Variants in SV2C observed in about 807,000 individuals in gnomAD.
SV2C encodes synaptic vesicle glycoprotein 2C.
A neutral mutation model predicts 79.7 loss-of-function variants in SV2C; 49 were observed. The observed-to-expected ratio is 0.61, with a 90% CI of 0.49 to 0.78. The LOEUF (loss-of-function observed/expected upper bound fraction) is 0.78, where lower values mean the gene tolerates loss of function less well. SV2C is among the 30% of genes least tolerant of loss of function. The pLI is 0.00. For missense variants in SV2C, 833 were observed against 912.9 expected, an observed-to-expected ratio of 0.91 and a Z score of 1.13; for synonymous variants, 334 against 333.2, an observed-to-expected ratio of 1.00 and a Z score of -0.03.
At chr5:76,223,483 ATATATATATATATG>A (rs1296469723) in intron 4 of SV2C, among the ~76,000 whole-genome samples, 2,714 of 50,078 alleles carry the variant, frequency 0.054, 95 homozygotes, top group African/African-American at 0.12. Flanking sequence ...ATATATATAT[ATATATATATATATG>A]TATATGTATA....
chr5:76,166,923 G>A (rs1471618123), intron 2 of SV2C, among the ~76,000 whole-genome samples: 1 of 152,160 alleles, frequency 6.6e-6, no homozygotes, highest in Non-Finnish European at 1.5e-5. Flanking sequence ...GGGGTTTTAT[G>A]ACCCAAGAGG....
chr5:75,877,199 T>A, the SV2C span, among the ~76,000 whole-genome samples: 1 of 151,886 alleles, frequency 6.6e-6, no homozygotes, highest in Non-Finnish European at 1.5e-5. Context: ...ACCAGATAAA[T>A]AGGGAGATTT....
At chr5:76,156,456 G>A (rs1474910609) in intron 2 of SV2C, among the ~76,000 whole-genome samples, 11 of 152,158 alleles carry the variant, frequency 7.2e-5, no homozygotes, top group Admixed American at 6.6e-5. Flanking sequence ...AATATGTTAT[G>A]TAGAATGTCC....
the SV2C span, among the ~76,000 whole-genome samples, chr5:75,984,567 A>ATCTATATCTATC: frequency 0.014 from 1,474 of 102,850 alleles, 25 homozygotes; most frequent in African/African-American, 0.037. Flanking sequence ...CTATCTATCT[A>ATCTATATCTATC]TATCTATCTA....
chr5:75,973,792 T>C, the SV2C span, among the ~76,000 whole-genome samples: 1 of 152,044 alleles, frequency 6.6e-6, no homozygotes, highest in Non-Finnish European at 1.5e-5. Context: ...ATGAATGATG[T>C]ATGGTGTCTA....
chr5:76,040,251 G>T, the SV2C span, among the ~76,000 whole-genome samples: 2 of 152,150 alleles, frequency 1.3e-5, no homozygotes, highest in Non-Finnish European at 1.5e-5. Context: ...ATTAGAATGA[G>T]CATTAAATTG....
the SV2C span, among the ~76,000 whole-genome samples, chr5:75,961,894 G>C: frequency 6.6e-6 from 1 of 152,056 alleles, no homozygotes; most frequent in African/African-American, 2.4e-5. Flanking sequence ...ATGTAAGAAA[G>C]GGACACTCAG....
intron 4 of SV2C, among the ~76,000 whole-genome samples, chr5:76,214,472 TTTC>T (rs1344687771): frequency 6.6e-6 from 1 of 152,198 alleles, no homozygotes; most frequent in Non-Finnish European, 1.5e-5. Flanking sequence ...AGTCTCCAGC[TTTC>T]TTCTTCTTGC....
At chr5:76,008,370 A>C in the SV2C span, among the ~76,000 whole-genome samples, 73 of 152,266 alleles carry the variant, frequency 4.8e-4, no homozygotes, top group Non-Finnish European at 7.5e-4. Context: ...AAGCCGCTGG[A>C]GATGAAGGAA....
the SV2C span, among the ~76,000 whole-genome samples, chr5:75,922,940 TAA>T: frequency 4.4e-4 from 67 of 152,302 alleles, no homozygotes; most frequent in African/African-American, 1.5e-3. Flanking sequence ...ACATATCAAC[TAA>T]TGGAAATAAC....
the SV2C span, among the ~76,000 whole-genome samples, chr5:75,922,597 C>T: frequency 6.6e-6 from 1 of 152,192 alleles, no homozygotes; most frequent in East Asian, 1.9e-4. Context: ...CATTTCCTCA[C>T]CCTGGGAATA....
the SV2C span, among the ~76,000 whole-genome samples, chr5:75,964,529 C>G: frequency 6.6e-6 from 1 of 152,110 alleles, no homozygotes; most frequent in Non-Finnish European, 1.5e-5. Flanking sequence ...AAGCTCCACT[C>G]CCTCCCTGGT....
intron 4 of SV2C, among the ~76,000 whole-genome samples, chr5:76,227,368 A>G (rs1745283336): frequency 6.6e-6 from 1 of 152,140 alleles, no homozygotes; most frequent in Non-Finnish European, 1.5e-5. Flanking sequence ...TTCCACAAAC[A>G]TAGAGAAAGA....
the SV2C span, among the ~76,000 whole-genome samples, chr5:76,060,852 C>A: frequency 6.6e-6 from 1 of 152,006 alleles, no homozygotes; most frequent in Non-Finnish European, 1.5e-5. Context: ...TTATTAATAT[C>A]TAGCTTTTGA....
At chr5:76,086,409 A>G (rs1465002614) in intron 1 of SV2C, among the ~76,000 whole-genome samples, 1 of 152,256 alleles carries the variant, frequency 6.6e-6, no homozygotes, top group Non-Finnish European at 1.5e-5. Flanking sequence ...GTTGTTATTC[A>G]TATTACTCCA....
At chr5:76,035,894 G>A in the SV2C span, among the ~76,000 whole-genome samples, 3 of 152,042 alleles carry the variant, frequency 2.0e-5, no homozygotes, top group Admixed American at 1.3e-4. Flanking sequence ...TCTCTTTGTA[G>A]GTCACTCAGG....
chr5:75,968,375 T>A, the SV2C span, among the ~76,000 whole-genome samples: 1 of 151,894 alleles, frequency 6.6e-6, no homozygotes, highest in Non-Finnish European at 1.5e-5. Context: ...ATCAAACTAC[T>A]CTGAGCTAAA....
intron 4 of SV2C, among the ~76,000 whole-genome samples, chr5:76,231,421 T>A (rs1561275002): frequency 6.8e-6 from 1 of 146,986 alleles, no homozygotes; most frequent in African/African-American, 2.7e-5. Flanking sequence ...CTGCAGCTCA[T>A]GGCTGATTTT....
the SV2C span, among the ~76,000 whole-genome samples, chr5:75,982,137 G>A: frequency 1.3e-5 from 2 of 150,360 alleles, no homozygotes; most frequent in African/African-American, 2.4e-5. Flanking sequence ...GCTAGATGAC[G>A]AGTTAGTGGG....
Sources: allele counts gnomAD v4.1 joint callset (sites outside exome capture counted in the v4.1 genomes callset), GRCh38; gene constraint gnomAD v4.1.1; transcripts MANE v1.5; gene names NCBI Gene and HGNC (gene_info 2026-07-23, HGNC 2026-07-21).